The following GNAI3 variants were observed in gnomAD, a reference collection of about 807,000 sequenced individuals.
GNAI3 encodes the protein G protein subunit alpha i3, also known as guanine nucleotide-binding protein G(i) subunit alpha-3.
In GNAI3, 12 loss-of-function variants were observed where a neutral mutation model predicts 41.8. The ratio of observed to expected loss-of-function variants is 0.29; its 90% CI spans 0.18 to 0.47. The LOEUF (loss-of-function observed/expected upper bound fraction) is 0.47, where lower values mean the gene tolerates loss of function less well. GNAI3 is among the 20% of genes least tolerant of loss of function. GNAI3 has a pLI of 1.00. For synonymous variants in GNAI3, 132 were observed against 146.5 expected (o/e 0.90, Z 0.71); for missense variants, 360 against 429.6 (o/e 0.84, Z 1.43).
chr1:109,560,558 C>A (rs1036333244), intron 1 of GNAI3, among the ~76,000 whole-genome samples: 3 of 152,032 alleles, frequency 2.0e-5, no homozygotes, highest in Non-Finnish European at 4.4e-5. Flanking sequence ...GATGGCAAGA[C>A]CTTGTCTCTA....
chr1:109,587,813 G>A (rs1440446505), intron 7 of GNAI3, among the ~76,000 whole-genome samples: 2 of 152,048 alleles, frequency 1.3e-5, no homozygotes, highest in Non-Finnish European at 2.9e-5. Context: ...AGATAGTAGG[G>A]GATTTGAATT....
At chr1:109,565,500 T>G (rs112222792) in intron 1 of GNAI3, among the ~76,000 whole-genome samples, 5 of 152,220 alleles carry the variant, frequency 3.3e-5, no homozygotes, top group Admixed American at 2.6e-4. Context: ...TGAATAAAGA[T>G]AGCATAGGAA....
intron 7 of GNAI3, among the ~76,000 whole-genome samples, chr1:109,587,766 T>C (rs531456428): frequency 6.0e-4 from 92 of 152,276 alleles, no homozygotes; most frequent in African/African-American, 2.0e-3. Flanking sequence ...TAGAAGAAAC[T>C]GTGCTTGAGA....
At chr1:109,560,724 T>C (rs1648287741) in intron 1 of GNAI3, among the ~76,000 whole-genome samples, 2 of 152,158 alleles carry the variant, frequency 1.3e-5, no homozygotes, top group African/African-American at 4.8e-5. Context: ...CTAATTTAAA[T>C]TTTTGGTAGA....
At chr1:109,573,827 A>C in intron 2 of GNAI3, 48 bp downstream of exon 2, 1 of 1,590,496 alleles carries the variant, frequency 6.3e-7, no homozygotes, top group Non-Finnish European at 8.6e-7. Flanking sequence ...CTCCTAATGC[A>C]TATAAAGTCC....
intron 1 of GNAI3, among the ~76,000 whole-genome samples, chr1:109,550,664 G>A (rs994610193): frequency 6.6e-6 from 1 of 152,014 alleles, no homozygotes; most frequent in Middle Eastern, 3.2e-3. Flanking sequence ...CTCCCAAGTA[G>A]CTGGGACTAC....
chr1:109,586,764 C>A lies in GNAI3; in HGVS notation c.756C>A (p.Ser252Arg). The A allele has an allele frequency of 6.2e-7, 1 of 1,604,318 alleles. No homozygotes were observed. The highest frequency in any genetic ancestry group is 8.5e-7 in the Non-Finnish European group (1 of 1,172,476). ...ATGAAAGCATGAAACTGTTTGACAG[C>A]ATTTGTAATAACAAATGGTTTACAG... is the stretch of plus-strand genomic sequence containing the variant. The part of the protein sequence containing the change: ...RMHESMKLFD[S>R]ICNNKWFTET... Residue 252 changes from serine to arginine, a missense_variant, in exon 7 of 9, where the codon AGC becomes AGA. Coordinates refer to ENST00000369851, the MANE Select transcript of GNAI3 (RefSeq NM_006496.4).
intron 6 of GNAI3, 55 bp from the exon 7 acceptor site, chr1:109,586,674 C>G (rs1649039791): frequency 1.5e-6 from 2 of 1,308,382 alleles, no homozygotes; most frequent in East Asian, 4.6e-5. Flanking sequence ...TTTTCATTAA[C>G]TTAATCCACT....
At chr1:109,568,888 GC>G (rs1044357247) in intron 1 of GNAI3, among the ~76,000 whole-genome samples, 10 of 151,888 alleles carry the variant, frequency 6.6e-5, no homozygotes, top group African/African-American at 2.4e-4. Flanking sequence ...GATGAGGTTT[GC>G]CTATGTTGCC....
At position 109,548,858 on chromosome 1, in the gene GNAI3, G is replaced by C; in HGVS notation, c.118+20G>C. On this transcript the variant is annotated intron_variant, in intron 1 of 8. Coordinates refer to ENST00000369851, the MANE Select transcript of GNAI3 (RefSeq NM_006496.4). ...TACTCGGTGAGGGGCTGGAGGCGGG[G>C]ACTGAGTGGTGGTCGGGAGAGCCTA... 6.7e-7 allele frequency: 1 copy of C among 1,495,940 alleles called. No homozygotes were observed. The highest frequency in any genetic ancestry group is 2.3e-5 in the East Asian group (1 of 44,086). The allele number at this position is 1,495,940 out of a possible 1,614,324, so 92.7% of individuals were successfully genotyped here.
chr1:109,573,118 A>G (rs1267337278), intron 1 of GNAI3, among the ~76,000 whole-genome samples: 2 of 152,182 alleles, frequency 1.3e-5, no homozygotes, highest in Non-Finnish European at 2.9e-5. Flanking sequence ...TGAGTTGACT[A>G]GGGAAGATCT....
intron 7 of GNAI3, 137 bp downstream of exon 7, chr1:109,587,019 C>A: frequency 1.6e-6 from 1 of 623,770 alleles, no homozygotes; most frequent in Non-Finnish European, 2.8e-6. Flanking sequence ...TGGCATTAAG[C>A]CTGTGATTAA....
chr1:109,592,013 T>G, intron 7 of GNAI3, 30 bp from the exon 8 acceptor site: 2 of 1,490,192 alleles, frequency 1.3e-6, no homozygotes, highest in Middle Eastern at 1.8e-4. Flanking sequence ...TGTTACAATT[T>G]GAACTGAGAG....
chr1:109,582,404 C>T (rs1557910622), intron 4 of GNAI3, 33 bp from the exon 5 acceptor site: 3 of 1,584,674 alleles, frequency 1.9e-6, no homozygotes, highest in Middle Eastern at 1.7e-4. Context: ...TGGTTGGCTT[C>T]ACCAAGTAAA....
At chr1:109,566,909 T>G (rs1416720508) in intron 1 of GNAI3, among the ~76,000 whole-genome samples, 2 of 152,192 alleles carry the variant, frequency 1.3e-5, no homozygotes, top group Non-Finnish European at 2.9e-5. Flanking sequence ...AGTTACATAC[T>G]TATACCTGTT....
chr1:109,563,020 C>T (rs1447116081), intron 1 of GNAI3, among the ~76,000 whole-genome samples: 1 of 152,126 alleles, frequency 6.6e-6, no homozygotes, highest in East Asian at 1.9e-4. Flanking sequence ...TATATAAATA[C>T]TACGTAATTT....
At chr1:109,561,717 G>T (rs1431436221) in intron 1 of GNAI3, among the ~76,000 whole-genome samples, 2 of 152,174 alleles carry the variant, frequency 1.3e-5, no homozygotes, top group Non-Finnish European at 1.5e-5. Flanking sequence ...AGCCAATTTT[G>T]TAAGGAGGAA....
chr1:109,578,414 G>A (rs745688972), intron 3 of GNAI3, among the ~76,000 whole-genome samples: 1 of 148,692 alleles, frequency 6.7e-6, no homozygotes, highest in South Asian at 2.1e-4. Flanking sequence ...AGGTTACAAG[G>A]AGCCGAGATC....
chr1:109,582,693 C>CA (rs1648925277), intron 5 of GNAI3, 128 bp downstream of exon 5: 3 of 580,370 alleles, frequency 5.2e-6, no homozygotes, highest in Non-Finnish European at 9.4e-6. Flanking sequence ...TATTTATCAG[C>CA]ATTGTTTGAA....
Sources: gnomAD v4.1 joint callset for allele counts (sites outside exome capture counted in the v4.1 genomes callset) on GRCh38, gnomAD v4.1.1 for gene constraint, MANE v1.5 for transcripts, NCBI Gene and HGNC (gene_info 2026-07-23, HGNC 2026-07-21) for gene names.